DDX27: variants seen among roughly 807,000 people sequenced by gnomAD.
DDX27 encodes probable ATP-dependent RNA helicase DDX27.
In DDX27, 42 loss-of-function variants were observed where a neutral mutation model predicts 99.3. That is an observed-to-expected ratio of 0.42 (90% confidence interval 0.33 to 0.55). DDX27 has a LOEUF of 0.55. DDX27 is among the 20% of genes least tolerant of loss of function. DDX27 has a pLI of 0.07. For missense variants in DDX27, 798 were observed against 976.8 expected (o/e 0.82, Z 2.44); for synonymous variants, 329 against 353.8 (o/e 0.93, Z 0.79).
Position 49,242,642 on chromosome 20 carries a change from C to A in DDX27, c.2165C>A (p.Thr722Asn). The A allele has an allele frequency of 1.2e-6, 2 of 1,614,148 alleles. No individual in the cohort carries two copies. The highest frequency in any genetic ancestry group is 1.7e-6 in the Non-Finnish European group (2 of 1,180,020). ...AAATCTGTATTTGATGAAGAACTCACCAACACAAGCAAGAAGGCCCTGAAA... is the reference window on the plus strand; with the variant it reads ...AAATCTGTATTTGATGAAGAACTCAACAACACAAGCAAGAAGGCCCTGAAA... ...GKKSVFDEEL[T>N]NTSKKALKQY... Residue 722 changes from threonine (T) to asparagine (N), a missense_variant, in exon 19 of 21, where the codon ACC becomes AAC. Thr to Asn is a moderately conservative substitution (Grantham distance 65). Transcript: ENST00000618172.
At chr20:49,226,699 C>T (rs1198052648) in intron 7 of DDX27, among the ~76,000 whole-genome samples, 164 bp downstream of exon 7, 1 of 151,948 alleles carries the variant, frequency 6.6e-6, no homozygotes, top group Non-Finnish European at 1.5e-5. Flanking sequence ...ACTTTGTTGT[C>T]CAGGCTGGTC....
chr20:49,243,876 C>T lies in DDX27; in HGVS notation c.*42C>T, dbSNP rs769448219. 6.8e-6 allele frequency: 11 copies of T among 1,612,882 alleles called. No individual in the cohort carries two copies. The highest frequency in any genetic ancestry group is 9.3e-6 in the Non-Finnish European group (11 of 1,179,066). ...AAATTCATGGGGGCAGCCCTTAAAT[C>T]CCTTCCCTGTGGGAAGTCATCCTGG... On this transcript the variant is annotated 3_prime_UTR_variant, in exon 21 of 21. Transcript: ENST00000618172.
intron 19 of DDX27, 107 bp from the exon 20 acceptor site, chr20:49,243,522 A>G: frequency 1.1e-6 from 1 of 950,452 alleles, no homozygotes. Context: ...AAAATGATGC[A>G]TCCCAGAGAT....
chr20:49,238,894 CCA>C, intron 14 of DDX27, 53 bp from the exon 15 acceptor site: 1 of 1,336,516 alleles, frequency 7.5e-7, no homozygotes, highest in Non-Finnish European at 1.1e-6. Flanking sequence ...CAGGTGTGAG[CCA>C]CCATGCCTGG....
chr20:49,219,422 G>A lies in DDX27; in HGVS notation c.-27G>A. On this transcript the variant is annotated 5_prime_UTR_variant, in exon 1 of 21. Transcript: ENST00000618172. ...AAGGGCCGGACCGCAGGCTGTGCTC[G>A]CTTCCGGAAGTGGCTTCTGCGACAA... The A allele has an allele frequency of 1.2e-6, 2 of 1,613,904 alleles. No individual in the cohort carries two copies. Among genetic ancestry groups the A allele is most frequent in the Middle Eastern group, 1.6e-4 (1 of 6,062 alleles).
At chr20:49,237,731 T>A (rs1368258519) in intron 14 of DDX27, among the ~76,000 whole-genome samples, 3 of 152,134 alleles carry the variant, frequency 2.0e-5, no homozygotes, top group Non-Finnish European at 4.4e-5. Flanking sequence ...GTGATCGGAA[T>A]GAGGCAGCCA....
rs1349057034 is a variant in DDX27, at chr20:49,243,954, C to T, written c.*120C>T. The T allele has an allele frequency of 8.1e-7, 1 of 1,237,938 alleles. No homozygotes were observed. Among genetic ancestry groups the T allele is most frequent in the Non-Finnish European group, 1.1e-6 (1 of 878,956 alleles). 76.7% of individuals were successfully genotyped at this position (1,237,938 alleles called of 1,614,324 possible). Reference sequence around the variant, plus strand: ...AAAAAAAAACAAAAACAAAAAACAACACTTTGGTGTGGTGGTATGGTACGT... The same window carrying T: ...AAAAAAAAACAAAAACAAAAAACAATACTTTGGTGTGGTGGTATGGTACGT... On this transcript the variant is annotated 3_prime_UTR_variant, in exon 21 of 21. Transcript: ENST00000618172.
In DDX27 at chr20:49,239,228, C is replaced by T; in HGVS notation, c.1795-8C>T. The T allele has an allele frequency of 6.2e-7, 1 of 1,613,360 alleles. No homozygotes were observed. Among genetic ancestry groups the T allele is most frequent in the East Asian group, 2.2e-5 (1 of 44,874 alleles). On this transcript the variant is annotated splice_polypyrimidine_tract_variant and splice_region_variant and intron_variant, in intron 15 of 20. Coordinates refer to ENST00000618172, the MANE Select transcript of DDX27 (RefSeq NM_017895.8). ...TTCACGGCAGGCATCCTTTTGTTAT[C>T]TCTACAGATCAATACAGCAAAGCGG...
intron 19 of DDX27, among the ~76,000 whole-genome samples, chr20:49,243,041 A>T (rs1420607908): frequency 6.6e-6 from 1 of 152,126 alleles, no homozygotes; most frequent in African/African-American, 2.4e-5. Context: ...TTCTAATGGA[A>T]GCTATGAGTC....
Position 49,223,354 on chromosome 20 carries a change from G to T in DDX27, c.387G>T (p.Glu129Asp), listed in dbSNP as rs532323261. 4.2e-5 allele frequency: 67 copies of T among 1,614,078 alleles called. No homozygotes were observed. In the South Asian group the frequency reaches 7.1e-4, roughly 17 times the overall value. Residue 129 changes from glutamate (E) to aspartate (D), a missense_variant, in exon 4 of 21, where the codon GAG becomes GAT. By Grantham distance (45) the Glu-to-Asp change is conservative. Transcript: ENST00000618172. ...CAAAGGAGCAGGAAGACCTTCAAGAGAATGATGAGGAAGGCTCAGAAGATG... is the reference window on the plus strand; with the variant it reads ...CAAAGGAGCAGGAAGACCTTCAAGATAATGATGAGGAAGGCTCAGAAGATG... ...SEPKEQEDLQ[E>D]NDEEGSEDEA...
intron 14 of DDX27, 96 bp from the exon 15 acceptor site, chr20:49,238,853 T>TCCCA: frequency 1.6e-6 from 1 of 635,176 alleles, no homozygotes; most frequent in Non-Finnish European, 2.5e-6. Flanking sequence ...CAAGCAATCC[T>TCCCA]CCCACCTCAA....
chr20:49,226,768 C>G (rs1054639245), intron 7 of DDX27, among the ~76,000 whole-genome samples: 2 of 148,440 alleles, frequency 1.3e-5, no homozygotes, highest in Non-Finnish European at 3.0e-5. Context: ...TCCCAAAGTT[C>G]TGGGATTACA....
intron 12 of DDX27, 198 bp from the exon 13 acceptor site, chr20:49,235,952 C>T (rs1011953906): frequency 8.3e-5 from 32 of 387,860 alleles, no homozygotes; most frequent in African/African-American, 3.9e-4. Context: ...ACCGTGTTAG[C>T]GAGGATGGTC....
Position 49,228,848 on chromosome 20 carries a change from G to T in DDX27, c.840G>T (p.Gln280His). ...LGIQVHSVTR[Q>H]LAQFCNITTC... Reference sequence around the variant, plus strand: ...TCCAGGTGCACTCTGTCACCAGACAGCTGGCCCAGTTCTGCAACATCACCA... The same window carrying T: ...TCCAGGTGCACTCTGTCACCAGACATCTGGCCCAGTTCTGCAACATCACCA... The change falls in exon 8 of 21, where the codon CAG becomes CAT. Residue 280 changes from glutamine to histidine, a missense_variant. Around this residue, in one of 2 missense-constraint regions of DDX27, gnomAD observed 553 missense variants for 727.9 expected, o/e 0.76. Coordinates refer to ENST00000618172, the MANE Select transcript of DDX27 (RefSeq NM_017895.8). The T allele has an allele frequency of 6.2e-7, 1 of 1,609,532 alleles. No individual in the cohort carries two copies.
chr20:49,228,516 G>A (rs1039914832), intron 7 of DDX27, among the ~76,000 whole-genome samples, 199 bp from the exon 8 acceptor site: 5 of 151,996 alleles, frequency 3.3e-5, no homozygotes, highest in African/African-American at 9.7e-5. Flanking sequence ...CAGGTGATCC[G>A]CCTGCCTCGG....
chr20:49,241,537 A>G (rs1462950934), intron 16 of DDX27, among the ~76,000 whole-genome samples: 1 of 150,828 alleles, frequency 6.6e-6, no homozygotes, highest in East Asian at 1.9e-4. Flanking sequence ...CAGTGGCGCG[A>G]TCTCAGCTCA....
Position 49,235,007 on chromosome 20 carries a change from A to G in DDX27, c.1346A>G (p.His449Arg). 1.9e-6 allele frequency: 3 copies of G among 1,613,716 alleles called. No individual in the cohort carries two copies. The highest frequency in any genetic ancestry group is 1.7e-6 in the Non-Finnish European group (2 of 1,179,838). The change falls in exon 12 of 21, where the codon CAC becomes CGC. Residue 449 changes from histidine to arginine, a missense_variant. Physicochemically the swap from His to Arg is conservative, Grantham distance 29 (BLOSUM62 0). Coordinates refer to ENST00000618172, the MANE Select transcript of DDX27 (RefSeq NM_017895.8). ...ACCAAGAAGCAGGCCCACCGCATGC[A>G]CATCCTCCTGGGGCTCATGGGGCTG... ...TQTKKQAHRM[H>R]ILLGLMGLQV...
At chr20:49,223,545 T>A in intron 4 of DDX27, 112 bp downstream of exon 4, 1 of 1,030,304 alleles carries the variant, frequency 9.7e-7, no homozygotes, top group Non-Finnish European at 1.4e-6. Flanking sequence ...TAAGCTGTTC[T>A]GCCTACTACA....
At chr20:49,221,348 A>G (rs1037077031) in intron 1 of DDX27, 104 bp from the exon 2 acceptor site, 43 of 1,395,888 alleles carry the variant, frequency 3.1e-5, no homozygotes, top group Non-Finnish European at 3.6e-5. Context: ...TTCGCCTCCT[A>G]AAGTGCTGGG....
Sources: allele counts gnomAD v4.1 joint callset (sites outside exome capture counted in the v4.1 genomes callset), GRCh38; gene constraint gnomAD v4.1.1; regional missense constraint gnomAD v4.1.1; transcripts MANE v1.5; gene names NCBI Gene and HGNC (gene_info 2026-07-23, HGNC 2026-07-21).